ZNF618: variants seen among roughly 807,000 people sequenced by gnomAD.
The protein encoded by ZNF618 is zinc finger protein 618.
Under a neutral mutation model 103.0 loss-of-function variants are expected in ZNF618, and 34 were observed. The ratio of observed to expected loss-of-function variants is 0.33; its 90% CI spans 0.25 to 0.44. ZNF618 has a LOEUF of 0.44. ZNF618 is among the 20% of genes least tolerant of loss of function. The pLI is 1.00. For synonymous variants in ZNF618, 551 were observed against 542.2 expected (o/e 1.02, Z -0.23); for missense variants, 1,059 against 1,295.4 (o/e 0.82, Z 2.80).
At chr9:114,029,299 A>T (rs1188029891) in intron 11 of ZNF618, among the ~76,000 whole-genome samples, 3 of 152,274 alleles carry the variant, frequency 2.0e-5, no homozygotes, top group South Asian at 2.1e-4. Context: ...GGTTTAAAAA[A>T]TTTTTTAGTT....
chr9:114,055,972 ATT>A lies in ZNF618; in HGVS notation c.*5807_*5808del, dbSNP rs891800012. 1.4e-5 allele frequency: 2 copies of A among 140,716 alleles called. No individual in the cohort carries two copies. The highest frequency in any genetic ancestry group is 3.2e-5 in the Non-Finnish European group (2 of 62,024). 8.7% of individuals were successfully genotyped at this position (140,716 alleles called of 1,614,324 possible). A position where few individuals can be genotyped will look rare whatever the true frequency, so the allele number is the denominator to read the frequency against. ...GGGGACCCTGTGTACCATGTACTGTATTTAAAAAAAAAAAAAGTTACCTATTG... is the reference window on the plus strand; with the variant it reads ...GGGGACCCTGTGTACCATGTACTGTATAAAAAAAAAAAAAGTTACCTATTG... On this transcript the variant is annotated 3_prime_UTR_variant, in exon 15 of 15. Transcript: ENST00000374126.
chr9:114,009,423 A>G (rs540376855), intron 9 of ZNF618, among the ~76,000 whole-genome samples: 42 of 152,218 alleles, frequency 2.8e-4, no homozygotes, highest in African/African-American at 7.9e-4. Context: ...AGTTTTTACT[A>G]AGTGGAGAAG....
intron 1 of ZNF618, among the ~76,000 whole-genome samples, chr9:113,911,129 C>T (rs1439514510): frequency 4.6e-5 from 7 of 151,368 alleles, no homozygotes; most frequent in South Asian, 2.1e-4. Context: ...CCACCGCGCC[C>T]GGCCTGAAAC....
intron 1 of ZNF618, among the ~76,000 whole-genome samples, chr9:113,888,998 C>T (rs1829342973): frequency 6.6e-6 from 1 of 152,148 alleles, no homozygotes; most frequent in East Asian, 1.9e-4. Context: ...TGCAAAAATC[C>T]TCCAATCAGC....
chr9:114,036,394 T>C lies in ZNF618; in HGVS notation c.1246+17T>C. Reference sequence around the variant, plus strand: ...CCCATGCAGGTAAGTAGGATACGGCTTCTCTCCCCCTCTCCTTCCTCAGTT... The same window carrying C: ...CCCATGCAGGTAAGTAGGATACGGCCTCTCTCCCCCTCTCCTTCCTCAGTT... On this transcript the variant is annotated intron_variant, in intron 13 of 14. Transcript: ENST00000374126. The C allele has an allele frequency of 6.4e-7, 1 of 1,563,872 alleles. No individual in the cohort carries two copies. The highest frequency in any genetic ancestry group is 1.2e-5 in the South Asian group (1 of 84,764).
At chr9:113,936,203 G>A (rs1332828607) in intron 1 of ZNF618, among the ~76,000 whole-genome samples, 1 of 152,166 alleles carries the variant, frequency 6.6e-6, no homozygotes, top group Non-Finnish European at 1.5e-5. Flanking sequence ...TCCAGAGGCA[G>A]ACAGACCTGG....
At chr9:113,947,110 G>T (rs2132187708) in intron 1 of ZNF618, among the ~76,000 whole-genome samples, 1 of 152,298 alleles carries the variant, frequency 6.6e-6, no homozygotes, top group South Asian at 2.1e-4. Context: ...GGAGCCTGCT[G>T]CAGAGGAGGG....
rs118007662 is a variant in ZNF618, at chr9:114,038,155, C to T, written c.1246+1778C>T. 4.0e-3 allele frequency among the ~76,000 whole-genome samples: 608 copies of T among 152,322 alleles called. 3 individuals carry two copies. Among genetic ancestry groups the T allele is most frequent in the Non-Finnish European group, 5.5e-3 (375 of 68,032 alleles). Reference sequence around the variant, plus strand: ...CTTGGGAACCACTGCCTGAACATATCGCTTGGTCCTGAGACTCCCACAGCA... The same window carrying T: ...CTTGGGAACCACTGCCTGAACATATTGCTTGGTCCTGAGACTCCCACAGCA... On this transcript the variant is annotated intron_variant, in intron 13 of 14. Transcript: ENST00000374126.
chr9:113,936,710 C>G (rs1834056587), intron 1 of ZNF618, among the ~76,000 whole-genome samples: 1 of 152,112 alleles, frequency 6.6e-6, no homozygotes, highest in Admixed American at 6.5e-5. Flanking sequence ...AATACCAGAA[C>G]CTGGTATTAT....
intron 1 of ZNF618, among the ~76,000 whole-genome samples, chr9:113,911,598 G>T (rs1333338439): frequency 6.6e-6 from 1 of 152,118 alleles, no homozygotes; most frequent in African/African-American, 2.4e-5. Flanking sequence ...CAACGTGCTG[G>T]GATCATAGGC....
intron 1 of ZNF618, among the ~76,000 whole-genome samples, chr9:113,903,455 G>T (rs548939084): frequency 2.0e-5 from 3 of 149,690 alleles, no homozygotes; most frequent in Non-Finnish European, 4.4e-5. Context: ...TTCTATGTTA[G>T]CCCCAATAAA....
chr9:113,936,192 C>G (rs1448448280), intron 1 of ZNF618, among the ~76,000 whole-genome samples: 1 of 152,120 alleles, frequency 6.6e-6, no homozygotes, highest in Non-Finnish European at 1.5e-5. Context: ...AGAGACCAGG[C>G]TCCAGAGGCA....
At chr9:113,906,757 G>A (rs1162487617) in intron 1 of ZNF618, among the ~76,000 whole-genome samples, 1 of 152,188 alleles carries the variant, frequency 6.6e-6, no homozygotes, top group African/African-American at 2.4e-5. Flanking sequence ...TTATAGTCAG[G>A]ACGCCTTAGG....
At chr9:113,886,123 A>G (rs1829048835) in intron 1 of ZNF618, among the ~76,000 whole-genome samples, 1 of 152,160 alleles carries the variant, frequency 6.6e-6, no homozygotes, top group Non-Finnish European at 1.5e-5. Flanking sequence ...TGCAAAGTGG[A>G]GGAGGCCTGA....
chr9:113,887,078 C>T (rs1829146274), intron 1 of ZNF618, among the ~76,000 whole-genome samples: 1 of 148,616 alleles, frequency 6.7e-6, no homozygotes, highest in Admixed American at 6.8e-5. Context: ...CTGATCTAAG[C>T]CAACCTGCTC....
chr9:114,004,289 G>A (rs1193098229), intron 6 of ZNF618, among the ~76,000 whole-genome samples: 3 of 152,192 alleles, frequency 2.0e-5, no homozygotes, highest in African/African-American at 7.2e-5. Context: ...GACCCCAGCT[G>A]GGAGGAGGTG....
chr9:114,050,253 T>G lies in ZNF618; in HGVS notation c.*86T>G. On this transcript the variant is annotated 3_prime_UTR_variant, in exon 15 of 15. Coordinates refer to ENST00000374126, the MANE Select transcript of ZNF618 (RefSeq NM_001318042.2). ...AACACTGTCACAAAGAAAAGGAATT[T>G]AAGTTCTAAACACTGTGGACCTCAT... 6.9e-7 allele frequency: 1 copy of G among 1,459,016 alleles called. No homozygotes were observed. The highest frequency in any genetic ancestry group is 1.4e-5 in the South Asian group (1 of 71,642). The allele number at this position is 1,459,016 out of a possible 1,614,324, so 90.4% of individuals were successfully genotyped here. A position where few individuals can be genotyped will look rare whatever the true frequency, so the allele number is the denominator to read the frequency against.
At chr9:113,943,819 G>A (rs990793974) in intron 1 of ZNF618, among the ~76,000 whole-genome samples, 2 of 152,170 alleles carry the variant, frequency 1.3e-5, no homozygotes, top group Admixed American at 6.5e-5. Context: ...AGCCTTCCCT[G>A]TGCCGGTGGT....
intron 1 of ZNF618, among the ~76,000 whole-genome samples, chr9:113,964,136 G>T (rs928025573): frequency 1.3e-5 from 2 of 152,106 alleles, no homozygotes; most frequent in African/African-American, 4.8e-5. Context: ...TCTTGGAAAT[G>T]CCCCCTCCAA....
Sources: allele counts gnomAD v4.1 joint callset (sites outside exome capture counted in the v4.1 genomes callset), GRCh38; gene constraint gnomAD v4.1.1; transcripts MANE v1.5; gene names NCBI Gene and HGNC (gene_info 2026-07-23, HGNC 2026-07-21).